MAP2: variants seen among roughly 807,000 people sequenced by gnomAD.
MAP2 encodes microtubule associated protein 2.
MAP2 carries 14 observed loss-of-function variants against 137.6 expected under a neutral mutation model. The observed-to-expected ratio is 0.10, with a 90% CI of 0.07 to 0.16. The LOEUF is 0.16. Among genes scored for constraint, MAP2 ranks in the 10% least tolerant of loss-of-function variants. The pLI is 1.00. For synonymous variants in MAP2, 786 were observed against 782.3 expected, an observed-to-expected ratio of 1.00 and a Z score of -0.08; for missense variants, 2,088 against 2,191.5, an observed-to-expected ratio of 0.95 and a Z score of 0.94.
chr2:209,470,675 T>C (rs993769964), intron 1 of MAP2, among the ~76,000 whole-genome samples: 2 of 152,066 alleles, frequency 1.3e-5, no homozygotes, highest in Admixed American at 1.3e-4. Context: ...GTCTCCATCA[T>C]AGCTCCCATG....
At chr2:209,522,385 G>A (rs2063409080) in intron 2 of MAP2, among the ~76,000 whole-genome samples, 1 of 152,130 alleles carries the variant, frequency 6.6e-6, no homozygotes, top group Admixed American at 6.6e-5. Context: ...TTTGGAAGAA[G>A]TCTTGCAGGT....
intron 13 of MAP2, among the ~76,000 whole-genome samples, chr2:209,715,873 A>G (rs1338643800): frequency 6.6e-6 from 1 of 152,198 alleles, no homozygotes; most frequent in African/African-American, 2.4e-5. Flanking sequence ...TATTACATCT[A>G]TTCAAATAAC....
chr2:209,690,654 T>C (rs767802674), intron 7 of MAP2: 435 of 1,289,456 alleles, frequency 3.4e-4, no homozygotes, highest in Non-Finnish European at 4.1e-4. Flanking sequence ...CCTGCTGCTC[T>C]TCCTGAGAAA....
At chr2:209,596,379 A>C (rs1196173744) in intron 3 of MAP2, among the ~76,000 whole-genome samples, 1 of 152,250 alleles carries the variant, frequency 6.6e-6, no homozygotes, top group African/African-American at 2.4e-5. Flanking sequence ...AGCATGATGC[A>C]TCTACAATTA....
chr2:209,649,707 CT>C (rs1369553513), intron 4 of MAP2, among the ~76,000 whole-genome samples: 1 of 152,108 alleles, frequency 6.6e-6, no homozygotes, highest in African/African-American at 2.4e-5. Flanking sequence ...GTTAGACTAT[CT>C]TCTTTCAAAA....
rs186749845 is a variant in MAP2 at position 209,601,104 on chromosome 2, G to A, written c.-107+21004G>A. ...TTACCTCATAGACTTGTGAAGAATG[G>A]TTGCCATATTGACTGTAAAATACTT... is the stretch of plus-strand genomic sequence containing the variant. On this transcript the variant is annotated intron_variant, in intron 3 of 15. Coordinates refer to ENST00000682079, the MANE Select transcript of MAP2 (RefSeq NM_001375505.1). Among the ~76,000 whole-genome samples, 496 of 152,244 alleles carry A rather than the reference G, an allele frequency of 3.3e-3. 7 individuals carry two copies. The highest frequency in any genetic ancestry group is 0.02 in the Middle Eastern group (6 of 294).
intron 1 of MAP2, among the ~76,000 whole-genome samples, chr2:209,439,100 TATAA>T (rs1236423441): frequency 2.6e-5 from 4 of 151,500 alleles, no homozygotes; most frequent in African/African-American, 9.7e-5. Context: ...ATTGATGGTA[TATAA>T]ATAAAGTTTC....
At chr2:209,528,124 T>G (rs1388102849) in intron 2 of MAP2, among the ~76,000 whole-genome samples, 6 of 129,084 alleles carry the variant, frequency 4.6e-5, no homozygotes, top group African/African-American at 1.8e-4. Flanking sequence ...CCAGAAAATA[T>G]GCAAATTCAA....
chr2:209,613,195 G>A (rs1478390600), intron 3 of MAP2, among the ~76,000 whole-genome samples: 1 of 151,874 alleles, frequency 6.6e-6, no homozygotes, highest in Non-Finnish European at 1.5e-5. Context: ...CAAAACATGA[G>A]GCAAAGAGAA....
chr2:209,636,538 C>T (rs34850994), intron 4 of MAP2, among the ~76,000 whole-genome samples: 37,000 of 150,486 alleles, frequency 0.25, 7,761 homozygotes, highest in African/African-American at 0.56. Context: ...AATTATAGTA[C>T]AATATAATGT....
At chr2:209,433,469 G>A (rs1001847464) in intron 1 of MAP2, among the ~76,000 whole-genome samples, 1 of 152,084 alleles carries the variant, frequency 6.6e-6, no homozygotes, top group Non-Finnish European at 1.5e-5. Flanking sequence ...AGAACAGAAG[G>A]CAGGTACCAG....
intron 14 of MAP2, among the ~76,000 whole-genome samples, chr2:209,729,174 C>G (rs1267661039): frequency 6.6e-6 from 1 of 152,134 alleles, no homozygotes; most frequent in Non-Finnish European, 1.5e-5. Flanking sequence ...ATGGCATGGT[C>G]AAAACTCTGT....
intron 2 of MAP2, among the ~76,000 whole-genome samples, chr2:209,547,347 T>C (rs2068289118): frequency 6.6e-6 from 1 of 151,888 alleles, no homozygotes; most frequent in Admixed American, 6.6e-5. Flanking sequence ...ATATGTTTGC[T>C]TTGCCAAATA....
chr2:209,492,402 C>T (rs867740901), intron 1 of MAP2, among the ~76,000 whole-genome samples: 23 of 152,282 alleles, frequency 1.5e-4, no homozygotes, highest in Middle Eastern at 3.4e-3. Context: ...CCCTCTCTCA[C>T]CACTCCTATT....
chr2:209,584,319 A>G lies in MAP2; in HGVS notation c.-107+4219A>G, dbSNP rs1050481212. Among the ~76,000 whole-genome samples the G allele has an allele frequency of 2.0e-5, 3 of 152,222 alleles. No individual in the cohort carries two copies. The East Asian group carries it at 5.8e-4, about 29-fold the overall frequency. ...GTATGGAGGAGCTCCAGAAAGAACA[A>G]ACATTAGCAAAGGAATCAAAGGAAG... On this transcript the variant is annotated intron_variant, in intron 3 of 15. Transcript: ENST00000682079.
intron 4 of MAP2, 108 bp from the exon 5 acceptor site, chr2:209,653,034 G>T: frequency 1.3e-6 from 1 of 749,272 alleles, no homozygotes; most frequent in South Asian, 2.3e-5. Flanking sequence ...TGTTTTCTTT[G>T]ACCATAGAAA....
intron 3 of MAP2, among the ~76,000 whole-genome samples, chr2:209,587,723 C>T (rs2078120055): frequency 1.3e-5 from 2 of 152,086 alleles, no homozygotes; most frequent in Admixed American, 1.3e-4. Flanking sequence ...GGCAGAGTAG[C>T]TCAAGTGCAT....
intron 2 of MAP2, among the ~76,000 whole-genome samples, chr2:209,554,748 CA>C (rs200820874): frequency 0.02 from 2,947 of 148,352 alleles, 91 homozygotes; most frequent in African/African-American, 0.069. Flanking sequence ...GAGACTGTCT[CA>C]AAAAAAAATT....
intron 1 of MAP2, among the ~76,000 whole-genome samples, chr2:209,467,391 T>A (rs995520139): frequency 6.6e-6 from 1 of 152,140 alleles, no homozygotes; most frequent in Admixed American, 6.5e-5. Context: ...CTTAAAAAAA[T>A]AAATTTCAGC....
Sources: allele counts gnomAD v4.1 joint callset (sites outside exome capture counted in the v4.1 genomes callset), GRCh38; gene constraint gnomAD v4.1.1; transcripts MANE v1.5; gene names NCBI Gene and HGNC (gene_info 2026-07-23, HGNC 2026-07-21).